Variants in ELAPOR2 observed in about 807,000 individuals in gnomAD.
ELAPOR2 encodes endosome/lysosome-associated apoptosis and autophagy regulator family member 2.
A neutral mutation model predicts 120.7 loss-of-function variants in ELAPOR2; 89 were observed. That is an observed-to-expected ratio of 0.74 (90% CI 0.62 to 0.88). ELAPOR2 has a LOEUF of 0.88. Among genes scored for constraint, ELAPOR2 ranks in the 40% least tolerant of loss-of-function variants. The pLI is 0.00. For synonymous variants in ELAPOR2, 444 were observed against 444.9 expected, an observed-to-expected ratio of 1.00 and a Z score of 0.03; for missense variants, 1,134 against 1,251.6, an observed-to-expected ratio of 0.91 and a Z score of 1.42.
intron 1 of ELAPOR2, among the ~76,000 whole-genome samples, chr7:87,038,060 T>G (rs1204792437): frequency 2.6e-5 from 4 of 152,170 alleles, no homozygotes; most frequent in Non-Finnish European, 5.9e-5. Flanking sequence ...AATAAACATA[T>G]GAATGGCAAC....
chr7:86,993,795 T>C (rs1051569429), intron 1 of ELAPOR2, among the ~76,000 whole-genome samples: 1 of 152,196 alleles, frequency 6.6e-6, no homozygotes, highest in Non-Finnish European at 1.5e-5. Context: ...CCAGACAAAC[T>C]AGTTTAATTA....
chr7:86,968,022 T>TA (rs1462553645), intron 1 of ELAPOR2, among the ~76,000 whole-genome samples: 3 of 151,964 alleles, frequency 2.0e-5, no homozygotes, highest in Admixed American at 6.6e-5. Context: ...TAACAAATAA[T>TA]AAAAAACAAC....
chr7:86,928,532 T>A (rs1182451861), intron 8 of ELAPOR2, among the ~76,000 whole-genome samples: 1 of 151,956 alleles, frequency 6.6e-6, no homozygotes. Flanking sequence ...CTGTACTATG[T>A]AATCTTCTTA....
At chr7:87,031,640 TACTTAC>T (rs1230866498) in intron 1 of ELAPOR2, among the ~76,000 whole-genome samples, 3 of 152,148 alleles carry the variant, frequency 2.0e-5, no homozygotes, top group South Asian at 2.1e-4. Flanking sequence ...AATCCTTTAG[TACTTAC>T]ACTTACATGT....
At chr7:87,045,613 TG>T (rs1584040113) in intron 1 of ELAPOR2, among the ~76,000 whole-genome samples, 1 of 32,536 alleles carries the variant, frequency 3.1e-5, no homozygotes, top group Non-Finnish European at 6.2e-5. Flanking sequence ...TGTTGTGGGG[TG>T]GGGGGAGGAG....
Position 87,046,861 on chromosome 7 carries a change from A to T in ELAPOR2, c.189+12464T>A, listed in dbSNP as rs536612113. ...CAGTCTTGGGCAGTCCTTTATATCA[A>T]TGTGAAAAGAACTGATACACTATCC... On this transcript the variant is annotated intron_variant, in intron 1 of 21. Coordinates refer to ENST00000450689, the MANE Select transcript of ELAPOR2 (RefSeq NM_001142749.3). Among the ~76,000 whole-genome samples the T allele has an allele frequency of 6.9e-4, 105 of 152,334 alleles. No homozygotes were observed. The South Asian group carries it at 8.5e-3, about 12-fold the overall frequency.
intron 2 of ELAPOR2, among the ~76,000 whole-genome samples, chr7:86,963,364 C>T (rs942534630): frequency 1.3e-5 from 2 of 152,134 alleles, no homozygotes; most frequent in South Asian, 2.1e-4. Context: ...TGACCCCTAG[C>T]CAACAAATGT....
intron 1 of ELAPOR2, among the ~76,000 whole-genome samples, chr7:86,992,625 C>T (rs1792980673): frequency 6.6e-6 from 1 of 152,084 alleles, no homozygotes; most frequent in Non-Finnish European, 1.5e-5. Flanking sequence ...ACATTATTTC[C>T]TAAACTACAT....
intron 1 of ELAPOR2, among the ~76,000 whole-genome samples, chr7:87,048,152 G>A (rs1177294832): frequency 6.6e-6 from 1 of 152,036 alleles, no homozygotes; most frequent in Admixed American, 6.6e-5. Flanking sequence ...GCTGAGGCAG[G>A]AGAATCGCTT....
At chr7:86,943,092 GA>G in intron 4 of ELAPOR2, among the ~76,000 whole-genome samples, 1 of 152,036 alleles carries the variant, frequency 6.6e-6, no homozygotes, top group Admixed American at 6.6e-5. Flanking sequence ...TAAGCATAAG[GA>G]CCATTTTAAT....
intron 1 of ELAPOR2, among the ~76,000 whole-genome samples, chr7:86,967,582 T>A (rs780380590): frequency 1.3e-5 from 2 of 152,218 alleles, no homozygotes; most frequent in Non-Finnish European, 2.9e-5. Flanking sequence ...TGAAGTCATA[T>A]GAATTTCAAA....
chr7:86,901,537 T>C (rs1788725255), intron 18 of ELAPOR2, among the ~76,000 whole-genome samples: 1 of 152,356 alleles, frequency 6.6e-6, no homozygotes, highest in South Asian at 2.1e-4. Context: ...CAGTTTATAA[T>C]TCAGTATAAA....
intron 1 of ELAPOR2, among the ~76,000 whole-genome samples, chr7:87,046,571 G>A (rs941500396): frequency 6.6e-5 from 10 of 152,194 alleles, no homozygotes; most frequent in Admixed American, 1.3e-4. Context: ...GGAGGGAACT[G>A]TAGTCCCCAC....
chr7:86,985,068 A>T (rs1635024), intron 1 of ELAPOR2, among the ~76,000 whole-genome samples: 57,506 of 151,980 alleles, frequency 0.38, 11,727 homozygotes, highest in African/African-American at 0.53. Flanking sequence ...TGTACACAAA[A>T]AAACTAGAAA....
Position 86,944,884 on chromosome 7 carries a change from T to C in ELAPOR2, c.654+15A>G, listed in dbSNP as rs564301971. The stretch of plus-strand genomic sequence containing the variant: ...GTCCCTTAAAAAGTAAATTCCAGAA[T>C]ACAAAAGGTCTTACAAAGAACTCAA... On this transcript the variant is annotated intron_variant, in intron 4 of 21. Transcript: ENST00000450689. The C allele has an allele frequency of 1.8e-4, 271 of 1,527,514 alleles. 1 individual carries two copies. In the South Asian group the frequency reaches 3.2e-3, roughly 18 times the overall value. The allele number at this position is 1,527,514 out of a possible 1,614,324, so 94.6% of individuals were successfully genotyped here. A position where few individuals can be genotyped will look rare whatever the true frequency, so the allele number is the denominator to read the frequency against.
intron 3 of ELAPOR2, among the ~76,000 whole-genome samples, chr7:86,947,111 C>T (rs1255326901): frequency 1.3e-5 from 2 of 152,094 alleles, no homozygotes; most frequent in East Asian, 3.9e-4. Flanking sequence ...AGCCAGAGCC[C>T]TAAAGTTGAA....
At chr7:86,897,845 G>A (rs865948815) in intron 18 of ELAPOR2, among the ~76,000 whole-genome samples, 4 of 152,154 alleles carry the variant, frequency 2.6e-5, no homozygotes, top group African/African-American at 9.7e-5. Context: ...ATAATAACAA[G>A]TGTTGTCAGG....
chr7:86,938,983 G>A (rs1308619827), intron 6 of ELAPOR2, 23 bp from the exon 7 acceptor site: 1 of 1,612,044 alleles, frequency 6.2e-7, no homozygotes, highest in East Asian at 2.2e-5. Flanking sequence ...GAAAAACAGA[G>A]CATGGGAGGG....
chr7:87,020,998 G>A (rs374831957), intron 1 of ELAPOR2, among the ~76,000 whole-genome samples: 14 of 152,002 alleles, frequency 9.2e-5, no homozygotes, highest in East Asian at 5.8e-4. Flanking sequence ...GAGTTCATAT[G>A]TATTAAATAT....
Sources: gnomAD v4.1 joint callset for allele counts (sites outside exome capture counted in the v4.1 genomes callset) on GRCh38, gnomAD v4.1.1 for gene constraint, MANE v1.5 for transcripts, NCBI Gene and HGNC (gene_info 2026-07-23, HGNC 2026-07-21) for gene names.